The following TAFA4 variants were observed in gnomAD, a reference collection of about 807,000 sequenced individuals.
The protein encoded by TAFA4 is TAFA chemokine like family member 4.
TAFA4 carries 20 observed loss-of-function variants against 21.1 expected under a neutral mutation model. That is an observed-to-expected ratio of 0.95 (90% CI 0.67 to 1.38). TAFA4 has a LOEUF of 1.38. TAFA4 is among the 40% of genes most tolerant of loss of function. The pLI is 0.00. For missense variants in TAFA4, 211 were observed against 180.9 expected, an observed-to-expected ratio of 1.17 and a Z score of -0.95; for synonymous variants, 71 against 67.4, an observed-to-expected ratio of 1.05 and a Z score of -0.26.
chr3:68,820,464 C>T (rs988691813), intron 3 of TAFA4, among the ~76,000 whole-genome samples: 1 of 151,870 alleles, frequency 6.6e-6, no homozygotes, highest in African/African-American at 2.4e-5. Flanking sequence ...GAATTTGAGA[C>T]CAGGAGTTTG....
intron 3 of TAFA4, among the ~76,000 whole-genome samples, chr3:68,797,257 C>T (rs917917759): frequency 2.6e-5 from 4 of 152,072 alleles, no homozygotes; most frequent in Admixed American, 2.6e-4. Context: ...AAATGCCCAT[C>T]AACCAATGAA....
chr3:68,816,117 A>T (rs968146703), intron 3 of TAFA4, among the ~76,000 whole-genome samples: 1 of 152,106 alleles, frequency 6.6e-6, no homozygotes, highest in African/African-American at 2.4e-5. Flanking sequence ...TTGAACAATG[A>T]GAACACATGG....
intron 4 of TAFA4, among the ~76,000 whole-genome samples, chr3:68,740,792 C>T (rs1261838427): frequency 2.0e-5 from 3 of 152,138 alleles, no homozygotes; most frequent in African/African-American, 7.2e-5. Flanking sequence ...TCACAGATTA[C>T]ATTTACATCC....
Position 68,863,907 on chromosome 3 carries a change from T to C in TAFA4, c.130+16823A>G, listed in dbSNP as rs1289771747. The stretch of plus-strand genomic sequence containing the variant: ...AAGAGAACAATGTATAATGAGCACT[T>C]TTTTACCTACTAAAAATGCATTACA... On this transcript the variant is annotated intron_variant, in intron 3 of 5. Transcript: ENST00000295569. Among the ~76,000 whole-genome samples, 4 of 152,084 alleles carry C rather than the reference T, an allele frequency of 2.6e-5. No homozygotes were observed. In the East Asian group the frequency reaches 7.7e-4, roughly 29 times the overall value.
intron 3 of TAFA4, among the ~76,000 whole-genome samples, chr3:68,852,086 C>G (rs1704964898): frequency 6.6e-6 from 1 of 152,122 alleles, no homozygotes; most frequent in Non-Finnish European, 1.5e-5. Flanking sequence ...TACCTGAAGT[C>G]TTAACAACTG....
At chr3:68,828,784 C>T (rs533349554) in intron 3 of TAFA4, among the ~76,000 whole-genome samples, 1 of 152,186 alleles carries the variant, frequency 6.6e-6, no homozygotes, top group Admixed American at 6.5e-5. Flanking sequence ...TGGGCTGAGA[C>T]GATGGGGTTT....
At chr3:68,868,630 C>T (rs78537795) in intron 3 of TAFA4, among the ~76,000 whole-genome samples, 3,226 of 151,948 alleles carry the variant, frequency 0.021, 119 homozygotes, top group African/African-American at 0.074. Flanking sequence ...GGAAATTAAA[C>T]AACATGTTCT....
At chr3:68,842,856 G>T (rs547380842) in intron 3 of TAFA4, among the ~76,000 whole-genome samples, 1 of 150,470 alleles carries the variant, frequency 6.6e-6, no homozygotes, top group East Asian at 2.0e-4. Context: ...AGGGTTTGGC[G>T]TTATTTCTGA....
chr3:68,825,335 A>T (rs748141080), intron 3 of TAFA4, among the ~76,000 whole-genome samples: 1 of 152,222 alleles, frequency 6.6e-6, no homozygotes, highest in Admixed American at 6.5e-5. Context: ...AAAGTATTCC[A>T]TAATGTATAT....
At chr3:68,856,141 G>T (rs1373734403) in intron 3 of TAFA4, among the ~76,000 whole-genome samples, 1 of 151,946 alleles carries the variant, frequency 6.6e-6, no homozygotes, top group Non-Finnish European at 1.5e-5. Context: ...ATGCTGATTT[G>T]GTTAAACTAC....
chr3:68,879,629 T>C (rs900854714), intron 3 of TAFA4, among the ~76,000 whole-genome samples: 3 of 152,220 alleles, frequency 2.0e-5, no homozygotes, highest in African/African-American at 7.2e-5. Context: ...TGCTGAAACT[T>C]CAATCATTAT....
intron 1 of TAFA4, among the ~76,000 whole-genome samples, chr3:68,904,386 C>A (rs762061772): frequency 3.3e-5 from 5 of 152,228 alleles, no homozygotes; most frequent in Middle Eastern, 3.4e-3. Context: ...AAGGAGATGA[C>A]GTTTCTAAGA....
intron 3 of TAFA4, among the ~76,000 whole-genome samples, chr3:68,843,228 C>A (rs186338797): frequency 2.1e-3 from 319 of 152,258 alleles, no homozygotes; most frequent in Non-Finnish European, 2.8e-3. Context: ...TGTAGTTCCC[C>A]ATGAGGACGT....
At chr3:68,767,186 T>G (rs1702870518) in intron 3 of TAFA4, among the ~76,000 whole-genome samples, 1 of 152,158 alleles carries the variant, frequency 6.6e-6, no homozygotes, top group Non-Finnish European at 1.5e-5. Flanking sequence ...AAACTTTTAT[T>G]TTCATTAACA....
rs78464871 is a variant in TAFA4, at chr3:68,732,006, A to T, written c.*1136T>A. ...TTTCTTAATATATAAAATTCATCCC[A>T]TATTTTTACAGTAGTATGTACTTTA... is the stretch of plus-strand genomic sequence containing the variant. On this transcript the variant is annotated 3_prime_UTR_variant, in exon 6 of 6. Transcript: ENST00000295569. The T allele has an allele frequency of 6.6e-6, 1 of 152,500 alleles. No homozygotes were observed. Among genetic ancestry groups the T allele is most frequent in the African/African-American group, 2.4e-5 (1 of 41,470 alleles). 9.4% of individuals were successfully genotyped at this position (152,500 alleles called of 1,614,324 possible).
At chr3:68,736,837 T>A (rs570398200) in intron 5 of TAFA4, among the ~76,000 whole-genome samples, 36 of 152,228 alleles carry the variant, frequency 2.4e-4, no homozygotes, top group East Asian at 9.7e-4. Flanking sequence ...GGAAACAAAG[T>A]TTTATGACTT....
chr3:68,847,169 T>G (rs759279487), intron 3 of TAFA4, among the ~76,000 whole-genome samples: 4 of 152,234 alleles, frequency 2.6e-5, no homozygotes, highest in Non-Finnish European at 4.4e-5. Context: ...GTTTTATCTA[T>G]AAGCCCCTGA....
intron 3 of TAFA4, among the ~76,000 whole-genome samples, chr3:68,850,832 T>A (rs1704927745): frequency 6.6e-6 from 1 of 152,172 alleles, no homozygotes. Flanking sequence ...CTCTGTAGGT[T>A]GCCTGTTCTC....
At chr3:68,914,225 G>A (rs1417936895) in intron 1 of TAFA4, among the ~76,000 whole-genome samples, 1 of 152,184 alleles carries the variant, frequency 6.6e-6, no homozygotes, top group Admixed American at 6.5e-5. Context: ...AGCAGACATA[G>A]AGTTGGGCAA....
Sources: gnomAD v4.1 joint callset for allele counts (sites outside exome capture counted in the v4.1 genomes callset) on GRCh38, gnomAD v4.1.1 for gene constraint, MANE v1.5 for transcripts, NCBI Gene and HGNC (gene_info 2026-07-23, HGNC 2026-07-21) for gene names.